ZNF676: variants seen among roughly 807,000 people sequenced by gnomAD.
ZNF676 encodes the protein zinc finger protein 676.
In ZNF676, 4 loss-of-function variants were observed where a neutral mutation model predicts 6.0. The ratio of observed to expected loss-of-function variants is 0.67; its 90% CI spans 0.33 to 1.53. ZNF676 has a LOEUF of 1.53. ZNF676 is among the 40% of genes most tolerant of loss of function. The pLI, the probability that ZNF676 is intolerant of heterozygous loss-of-function variation, is 0.06. For synonymous variants in ZNF676, 198 were observed against 223.1 expected, an observed-to-expected ratio of 0.89 and a Z score of 1.00; for missense variants, 644 against 679.7, an observed-to-expected ratio of 0.95 and a Z score of 0.58.
At chr19:22,253,368 GTGTGTA>G in the ZNF676 span, among the ~76,000 whole-genome samples, 5 of 59,200 alleles carry the variant, frequency 8.4e-5, no homozygotes, top group African/African-American at 2.4e-4. Flanking sequence ...GTGTGTGTGT[GTGTGTA>G]TATATATATA....
At chr19:22,225,094 A>G in the ZNF676 span, among the ~76,000 whole-genome samples, 1 of 152,060 alleles carries the variant, frequency 6.6e-6, no homozygotes, top group Non-Finnish European at 1.5e-5. Context: ...AATACTCAAT[A>G]CCCACTAAGT....
At chr19:22,185,161 A>G (rs1295276734) in intron 2 of ZNF676, among the ~76,000 whole-genome samples, 1 of 152,174 alleles carries the variant, frequency 6.6e-6, no homozygotes, top group African/African-American at 2.4e-5. Flanking sequence ...CAAACCTTCC[A>G]GAGGAAGGAA....
chr19:22,215,797 T>A, upstream of ZNF676: 1 of 548,228 alleles, frequency 1.8e-6, no homozygotes, highest in Non-Finnish European at 3.1e-6. Context: ...AGCCGACCTG[T>A]CCCCCCCCCC....
the ZNF676 span, among the ~76,000 whole-genome samples, chr19:22,233,520 A>G: frequency 6.6e-6 from 1 of 152,270 alleles, no homozygotes; most frequent in Middle Eastern, 3.4e-3. Context: ...TCTTTCAAAC[A>G]TGTTCTTAGG....
chr19:22,233,033 C>T, the ZNF676 span, among the ~76,000 whole-genome samples: 1 of 152,082 alleles, frequency 6.6e-6, no homozygotes, highest in Admixed American at 6.6e-5. Flanking sequence ...GATTTTAAAA[C>T]TCATTACAAA....
At chr19:22,214,924 G>C (rs2024167236) in intron 1 of ZNF676, among the ~76,000 whole-genome samples, 2 of 147,266 alleles carry the variant, frequency 1.4e-5, no homozygotes, top group African/African-American at 2.5e-5. Flanking sequence ...ACCTGCAGTC[G>C]CAGCTACTCG....
chr19:22,188,574 T>A (rs1969553392), intron 2 of ZNF676, among the ~76,000 whole-genome samples: 2 of 152,236 alleles, frequency 1.3e-5, no homozygotes, highest in Admixed American at 1.3e-4. Flanking sequence ...TCAAATAGTC[T>A]CTATTTGCAG....
At chr19:22,232,678 G>T in the ZNF676 span, among the ~76,000 whole-genome samples, 1 of 151,462 alleles carries the variant, frequency 6.6e-6, no homozygotes, top group African/African-American at 2.4e-5. Context: ...CAAAATAGAA[G>T]TCTTAACATA....
At chr19:22,259,309 G>T in the ZNF676 span, among the ~76,000 whole-genome samples, 1 of 152,144 alleles carries the variant, frequency 6.6e-6, no homozygotes, top group Non-Finnish European at 1.5e-5. Context: ...TAGAAGCTGT[G>T]CCCAGCTGTA....
At chr19:22,238,690 C>T in the ZNF676 span, among the ~76,000 whole-genome samples, 1 of 152,012 alleles carries the variant, frequency 6.6e-6, no homozygotes, top group Non-Finnish European at 1.5e-5. Context: ...AGTATTAACT[C>T]ACACAATCAC....
chr19:22,209,768 G>A (rs1299732813), intron 1 of ZNF676, among the ~76,000 whole-genome samples: 4 of 152,216 alleles, frequency 2.6e-5, no homozygotes, highest in Admixed American at 6.5e-5. Flanking sequence ...CTGGGTCCAT[G>A]CAGCCAGATA....
intron 1 of ZNF676, among the ~76,000 whole-genome samples, chr19:22,205,180 T>C (rs559839439): frequency 4.9e-4 from 74 of 152,256 alleles, no homozygotes; most frequent in African/African-American, 1.6e-3. Flanking sequence ...TAGAGACCTA[T>C]GAAGAGACTT....
chr19:22,217,445 G>A (rs535169734), upstream of ZNF676, among the ~76,000 whole-genome samples: 9 of 151,958 alleles, frequency 5.9e-5, no homozygotes, highest in South Asian at 2.1e-4. Context: ...TCAGGTGATC[G>A]CCCACCTCAG....
chr19:22,248,881 C>T, the ZNF676 span, among the ~76,000 whole-genome samples: 1 of 152,126 alleles, frequency 6.6e-6, no homozygotes, highest in Non-Finnish European at 1.5e-5. Context: ...AGGAACTTGC[C>T]ACCATGCCTG....
chr19:22,218,534 C>G (rs533015084), upstream of ZNF676, among the ~76,000 whole-genome samples: 1 of 148,562 alleles, frequency 6.7e-6, no homozygotes, highest in Admixed American at 6.8e-5. Context: ...TTAGTAGAGA[C>G]GGGGTTTCAC....
At chr19:22,234,408 C>A in the ZNF676 span, among the ~76,000 whole-genome samples, 1 of 152,152 alleles carries the variant, frequency 6.6e-6, no homozygotes, top group Non-Finnish European at 1.5e-5. Flanking sequence ...CTGCTCAAGC[C>A]CGATCACATA....
upstream of ZNF676, among the ~76,000 whole-genome samples, chr19:22,201,731 C>CAAAAAAAAAAAAAAAAA (rs35526921): frequency 1.3e-5 from 1 of 76,216 alleles, no homozygotes; most frequent in Non-Finnish European, 2.5e-5. Context: ...TTTGTAAAGG[C>CAAAAAAAAAAAAAAAAA]AAAAAAAAAA....
intron 1 of ZNF676, among the ~76,000 whole-genome samples, chr19:22,202,426 C>G (rs769237083): frequency 6.6e-6 from 1 of 152,118 alleles, no homozygotes; most frequent in African/African-American, 2.4e-5. Context: ...GCATGCACTT[C>G]GCAGCACAAT....
the ZNF676 span, among the ~76,000 whole-genome samples, chr19:22,256,439 C>T: frequency 6.6e-6 from 1 of 152,046 alleles, no homozygotes; most frequent in Non-Finnish European, 1.5e-5. Flanking sequence ...GGTGCTGAGC[C>T]CAGTGATATG....
Sources: gnomAD v4.1 joint callset for allele counts (sites outside exome capture counted in the v4.1 genomes callset) on GRCh38, gnomAD v4.1.1 for gene constraint, MANE v1.5 for transcripts, NCBI Gene and HGNC (gene_info 2026-07-23, HGNC 2026-07-21) for gene names.